Variants in PDE4B observed in about 807,000 individuals in gnomAD.
PDE4B encodes the protein 3',5'-cyclic-AMP phosphodiesterase 4B.
In PDE4B, 20 loss-of-function variants were observed where a neutral mutation model predicts 82.2. The observed-to-expected ratio is 0.24, with a 90% confidence interval of 0.17 to 0.35. The LOEUF is 0.35. Among genes scored for constraint, PDE4B ranks in the 10% least tolerant of loss-of-function variants. The pLI, the probability that PDE4B is intolerant of heterozygous loss-of-function variation, is 1.00. For synonymous variants in PDE4B, 320 were observed against 318.9 expected, an observed-to-expected ratio of 1.00 and a Z score of -0.04; for missense variants, 655 against 907.2, an observed-to-expected ratio of 0.72 and a Z score of 3.57.
chr1:65,854,921 C>T (rs11208761), intron 1 of PDE4B, among the ~76,000 whole-genome samples: 2 of 151,480 alleles, frequency 1.3e-5, no homozygotes, highest in African/African-American at 4.8e-5. Flanking sequence ...TTTGGATATT[C>T]TTTTTTGGAT....
chr1:66,198,219 C>G (rs370975863), intron 3 of PDE4B, among the ~76,000 whole-genome samples: 1 of 152,146 alleles, frequency 6.6e-6, no homozygotes, highest in Admixed American at 6.6e-5. Context: ...GGGTAGAAAT[C>G]ATTTCTTAAA....
chr1:66,345,428 T>C (rs1371848814), intron 8 of PDE4B, among the ~76,000 whole-genome samples: 1 of 152,184 alleles, frequency 6.6e-6, no homozygotes, highest in Non-Finnish European at 1.5e-5. Flanking sequence ...CAGCTGCTTG[T>C]TGGTTTTGCA....
At chr1:66,148,162 C>T (rs1474140748) in intron 3 of PDE4B, among the ~76,000 whole-genome samples, 1 of 151,924 alleles carries the variant, frequency 6.6e-6, no homozygotes, top group Admixed American at 6.6e-5. Context: ...TTCAGCTACT[C>T]GGGAGGCTGA....
At chr1:66,326,196 G>A (rs1409990501) in intron 7 of PDE4B, among the ~76,000 whole-genome samples, 1 of 152,172 alleles carries the variant, frequency 6.6e-6, no homozygotes, top group East Asian at 1.9e-4. Flanking sequence ...TTTAAACTGG[G>A]CTTCCCCTAG....
chr1:65,943,513 A>G (rs1648551723), intron 3 of PDE4B, among the ~76,000 whole-genome samples: 1 of 151,960 alleles, frequency 6.6e-6, no homozygotes, highest in South Asian at 2.1e-4. Context: ...AAATTTTAGA[A>G]TTGGTTATTT....
intron 4 of PDE4B, among the ~76,000 whole-genome samples, chr1:66,254,178 T>A (rs58629293): frequency 0.14 from 21,758 of 152,022 alleles, 4,202 homozygotes; most frequent in African/African-American, 0.44. Context: ...ATGAACAATG[T>A]GAACTTCACA....
At chr1:66,272,342 G>C (rs1002046537) in intron 7 of PDE4B, among the ~76,000 whole-genome samples, 2 of 152,142 alleles carry the variant, frequency 1.3e-5, no homozygotes, top group Non-Finnish European at 2.9e-5. Flanking sequence ...CTTCAAATCT[G>C]GTTGTCAGAA....
chr1:66,364,152 C>G (rs893056788), intron 12 of PDE4B, among the ~76,000 whole-genome samples: 2 of 152,020 alleles, frequency 1.3e-5, no homozygotes, highest in Non-Finnish European at 2.9e-5. Context: ...CAATGCCACC[C>G]TAGGTATATA....
intron 9 of PDE4B, among the ~76,000 whole-genome samples, chr1:66,356,538 C>T (rs183926138): frequency 6.6e-6 from 1 of 152,314 alleles, no homozygotes; most frequent in East Asian, 1.9e-4. Context: ...TCCAGGGAAG[C>T]GACCCATTCT....
chr1:65,934,923 G>T (rs979808455), intron 3 of PDE4B, among the ~76,000 whole-genome samples: 7 of 152,014 alleles, frequency 4.6e-5, no homozygotes, highest in African/African-American at 1.7e-4. Context: ...ATTATAGGAG[G>T]CTTCTTTACC....
intron 3 of PDE4B, among the ~76,000 whole-genome samples, chr1:66,105,378 C>A (rs1025280182): frequency 6.6e-6 from 1 of 151,898 alleles, no homozygotes; most frequent in African/African-American, 2.4e-5. Flanking sequence ...TAGCGTGATG[C>A]CTCCAGCTTT....
Position 66,341,922 on chromosome 1 carries a change from C to G in PDE4B, c.747+9302C>G, listed in dbSNP as rs11802020. Among the ~76,000 whole-genome samples the G allele has an allele frequency of 4.2e-3, 639 of 152,292 alleles. 8 individuals are homozygous for G. Among genetic ancestry groups the G allele is most frequent in the African/African-American group, 0.015 (610 of 41,562 alleles). ...TTTCTAGACTCTTGAGTCATATTAC[C>G]AAGATCCTAGTGGAGTTAGGTACAA... On this transcript the variant is annotated intron_variant, in intron 8 of 16. Transcript: ENST00000341517.
rs189916434 is a variant in PDE4B at position 65,850,323 on chromosome 1, C to T, written c.-71+57075C>T. 4.4e-3 allele frequency among the ~76,000 whole-genome samples: 674 copies of T among 152,090 alleles called. 3 individuals carry two copies. The highest frequency in any genetic ancestry group is 0.016 in the African/African-American group (646 of 41,472). ...TGTTGGCCAAGCTGGTCTCGAACTC[C>T]TGACCTCAGGTGATCCACCCACCTC... is the stretch of plus-strand genomic sequence containing the variant. On this transcript the variant is annotated intron_variant, in intron 1 of 16. Coordinates refer to ENST00000341517, the MANE Select transcript of PDE4B (RefSeq NM_002600.4).
At chr1:66,306,673 C>G (rs1405159634) in intron 7 of PDE4B, among the ~76,000 whole-genome samples, 1 of 152,062 alleles carries the variant, frequency 6.6e-6, no homozygotes, top group Non-Finnish European at 1.5e-5. Context: ...GAATGTATAG[C>G]TATAAAGAGC....
At chr1:65,929,539 G>A (rs191356103) in intron 3 of PDE4B, among the ~76,000 whole-genome samples, 66 of 152,188 alleles carry the variant, frequency 4.3e-4, no homozygotes, top group Non-Finnish European at 8.4e-4. Flanking sequence ...CATAATTCCC[G>A]CTCTTTCTCT....
intron 3 of PDE4B, among the ~76,000 whole-genome samples, chr1:66,200,596 C>A (rs11801935): frequency 0.032 from 4,849 of 152,118 alleles, 131 homozygotes; most frequent in Middle Eastern, 0.095. Context: ...GTATTTTATT[C>A]TCTTTGAAGC....
chr1:66,213,438 T>G (rs1203730804), intron 3 of PDE4B, among the ~76,000 whole-genome samples: 1 of 152,200 alleles, frequency 6.6e-6, no homozygotes, highest in Non-Finnish European at 1.5e-5. Context: ...AATATCTTGA[T>G]CCCTAGATCT....
intron 3 of PDE4B, among the ~76,000 whole-genome samples, chr1:66,147,391 T>C (rs1646297008): frequency 6.6e-6 from 1 of 152,216 alleles, no homozygotes; most frequent in South Asian, 2.1e-4. Flanking sequence ...AAGATAACAC[T>C]GTTAGCTGAT....
At chr1:66,245,938 C>T (rs888301822) in intron 3 of PDE4B, among the ~76,000 whole-genome samples, 10 of 152,126 alleles carry the variant, frequency 6.6e-5, no homozygotes, top group African/African-American at 2.2e-4. Context: ...AATTTGCTGC[C>T]TCCCCGTTTT....
Sources: gnomAD v4.1 joint callset for allele counts (sites outside exome capture counted in the v4.1 genomes callset) on GRCh38, gnomAD v4.1.1 for gene constraint, MANE v1.5 for transcripts, NCBI Gene and HGNC (gene_info 2026-07-23, HGNC 2026-07-21) for gene names.